Variants in HSD17B2 observed in about 807,000 individuals in gnomAD.
HSD17B2 encodes hydroxysteroid 17-beta dehydrogenase 2, also known as 17-beta-hydroxysteroid dehydrogenase type 2.
HSD17B2 carries 32 observed loss-of-function variants against 26.9 expected under a neutral mutation model. That is an observed-to-expected ratio of 1.19 (90% CI 0.90 to 1.60). HSD17B2 has a LOEUF of 1.60. Among genes scored for constraint, HSD17B2 ranks in the 40% most tolerant of loss-of-function variants. The pLI, the probability that HSD17B2 is intolerant of heterozygous loss-of-function variation, is 0.00. For missense variants in HSD17B2, 613 were observed against 468.6 expected, an observed-to-expected ratio of 1.31 and a Z score of -2.85; for synonymous variants, 246 against 186.7, an observed-to-expected ratio of 1.32 and a Z score of -2.59.
chr16:82,061,550 G>A (rs894959343), intron 1 of HSD17B2, among the ~76,000 whole-genome samples: 5 of 152,126 alleles, frequency 3.3e-5, no homozygotes, highest in African/African-American at 4.8e-5. Context: ...TAATAGGGAC[G>A]ATTTTATCTA....
intron 3 of HSD17B2, among the ~76,000 whole-genome samples, chr16:82,085,799 C>G (rs940735627): frequency 3.3e-5 from 5 of 152,022 alleles, no homozygotes; most frequent in Non-Finnish European, 7.4e-5. Context: ...AATCCCCGGA[C>G]CACATTTTCA....
intron 1 of HSD17B2, among the ~76,000 whole-genome samples, chr16:82,054,371 G>C (rs540737484): frequency 6.6e-6 from 1 of 151,906 alleles, no homozygotes; most frequent in South Asian, 2.1e-4. Context: ...TTGGGACAGA[G>C]TCTCGCTGTG....
In HSD17B2 at chr16:82,090,967, T is replaced by C; in HGVS notation, c.730T>C (p.Ser244Pro). The part of the protein sequence containing the change: ...SSKAAVTMFS[S>P]VMRLELSKWG... ...AAAGGCGGCTGTGACCATGTTCTCA[T>C]CAGTTATGAGACTGGAGCTTTCCAA... Residue 244 changes from serine (S) to proline (P), a missense_variant, in exon 4 of 5, where the codon TCA (serine) becomes CCA (proline). Coordinates refer to ENST00000199936, the MANE Select transcript of HSD17B2 (RefSeq NM_002153.3). 1.2e-6 allele frequency: 2 copies of C among 1,614,072 alleles called. No individual in the cohort carries two copies.
chr16:82,062,690 A>T (rs1013586177), intron 1 of HSD17B2, among the ~76,000 whole-genome samples: 2 of 152,204 alleles, frequency 1.3e-5, no homozygotes, highest in African/African-American at 2.4e-5. Context: ...CAGTGAGTAA[A>T]TGCATGTGAA....
chr16:82,068,132 G>C (rs370671752), intron 1 of HSD17B2, 38 bp from the exon 2 acceptor site: 19 of 1,541,318 alleles, frequency 1.2e-5, no homozygotes, highest in Non-Finnish European at 1.6e-5. Context: ...CTGTCACTCT[G>C]GTTTGACCTC....
intron 1 of HSD17B2, among the ~76,000 whole-genome samples, chr16:82,040,941 A>G (rs947110980): frequency 6.6e-6 from 1 of 152,272 alleles, no homozygotes; most frequent in African/African-American, 2.4e-5. Flanking sequence ...TAGTGAGTCT[A>G]TAATTCAGTC....
chr16:82,059,980 A>T (rs1914387293), intron 1 of HSD17B2, among the ~76,000 whole-genome samples: 2 of 152,224 alleles, frequency 1.3e-5, no homozygotes, highest in African/African-American at 4.8e-5. Flanking sequence ...GACAACTGTT[A>T]TCCGTTAAGA....
intron 3 of HSD17B2, among the ~76,000 whole-genome samples, chr16:82,087,882 C>A (rs536720499): frequency 6.6e-6 from 1 of 152,026 alleles, no homozygotes; most frequent in African/African-American, 2.4e-5. Flanking sequence ...CTTTTTATGA[C>A]GACCCCACTC....
chr16:82,056,100 T>C (rs1444911885), intron 1 of HSD17B2, among the ~76,000 whole-genome samples: 1 of 152,204 alleles, frequency 6.6e-6, no homozygotes. Context: ...CCATTATATT[T>C]TGGAAGCGGC....
chr16:82,076,407 G>C (rs183214772), intron 3 of HSD17B2, among the ~76,000 whole-genome samples: 14 of 152,202 alleles, frequency 9.2e-5, no homozygotes, highest in African/African-American at 3.1e-4. Flanking sequence ...ACAAAAGAAA[G>C]AAATAAAGAA....
At chr16:82,071,178 G>T in intron 3 of HSD17B2, 51 bp downstream of exon 3, 1 of 1,558,952 alleles carries the variant, frequency 6.4e-7, no homozygotes, top group Non-Finnish European at 8.8e-7. Context: ...ACAAGACATG[G>T]CTCATGGCAT....
intron 4 of HSD17B2, chr16:82,093,089 A>T (rs1904739845): frequency 6.6e-6 from 1 of 152,216 alleles, no homozygotes; most frequent in African/African-American, 2.4e-5. Flanking sequence ...ATCGAGAAAT[A>T]TATAAACAGA....
At chr16:82,037,777 GC>G (rs1163286326) in intron 1 of HSD17B2, among the ~76,000 whole-genome samples, 1 of 152,190 alleles carries the variant, frequency 6.6e-6, no homozygotes, top group African/African-American at 2.4e-5. Context: ...AACTGCTTGG[GC>G]CAAAGGAAAA....
chr16:82,069,622 A>G (rs940918526), intron 2 of HSD17B2, among the ~76,000 whole-genome samples: 18 of 152,204 alleles, frequency 1.2e-4, no homozygotes, highest in Admixed American at 6.5e-5. Context: ...TGAGGGTTGC[A>G]TCTGCAGACT....
chr16:82,061,424 C>A (rs966818849), intron 1 of HSD17B2, among the ~76,000 whole-genome samples: 1 of 152,140 alleles, frequency 6.6e-6, no homozygotes, highest in African/African-American at 2.4e-5. Context: ...AACTGGGGCA[C>A]AGAGAGGTTA....
At chr16:82,091,527 T>C in intron 4 of HSD17B2, 1 of 170,832 alleles carries the variant, frequency 5.9e-6, no homozygotes, top group Non-Finnish European at 1.3e-5. Context: ...AGTTCTTTTT[T>C]AGTAAGTATT....
At chr16:82,046,540 T>A (rs1033468602) in intron 1 of HSD17B2, among the ~76,000 whole-genome samples, 5 of 152,120 alleles carry the variant, frequency 3.3e-5, no homozygotes, top group African/African-American at 4.8e-5. Context: ...CTGAGGAACA[T>A]GGTAAAACCC....
At chr16:82,035,835 GT>G in intron 1 of HSD17B2, 146 bp downstream of exon 1, 1 of 876,684 alleles carries the variant, frequency 1.1e-6, no homozygotes, top group Non-Finnish European at 1.7e-6. Flanking sequence ...TCATGACACT[GT>G]TTTCGTTCCG....
intron 3 of HSD17B2, among the ~76,000 whole-genome samples, chr16:82,076,180 T>C (rs542969940): frequency 1.3e-5 from 2 of 152,130 alleles, no homozygotes; most frequent in South Asian, 4.2e-4. Flanking sequence ...AAATTCAACA[T>C]CCCTTTATGA....
Sources: allele counts gnomAD v4.1 joint callset (sites outside exome capture counted in the v4.1 genomes callset), GRCh38; gene constraint gnomAD v4.1.1; transcripts MANE v1.5; gene names NCBI Gene and HGNC (gene_info 2026-07-23, HGNC 2026-07-21).